PARP4: variants seen among roughly 807,000 people sequenced by gnomAD.
The protein encoded by PARP4 is poly(ADP-ribose) polymerase family member 4.
A neutral mutation model predicts 187.7 loss-of-function variants in PARP4; 120 were observed. The observed-to-expected ratio is 0.64, with a 90% CI of 0.55 to 0.74. PARP4 has a LOEUF of 0.74. Ranked by LOEUF, PARP4 falls within the 30% of genes least tolerant of loss-of-function variation. PARP4 has a pLI of 0.00. For missense variants in PARP4, 1,836 were observed against 2,070.5 expected (o/e 0.89, Z 2.20); for synonymous variants, 654 against 740.9 (o/e 0.88, Z 1.90).
At chr13:24,449,208 G>A (rs1371881624) in intron 25 of PARP4, among the ~76,000 whole-genome samples, 2 of 152,042 alleles carry the variant, frequency 1.3e-5, no homozygotes, top group East Asian at 3.9e-4. Flanking sequence ...CTAACACAGT[G>A]AAACCCCATC....
intron 33 of PARP4, among the ~76,000 whole-genome samples, chr13:24,425,072 C>T (rs547622258): frequency 2.2e-4 from 33 of 152,108 alleles, no homozygotes; most frequent in Admixed American, 7.2e-4. Flanking sequence ...GAGGCTGACG[C>T]GGGAGGATTG....
chr13:24,476,346 C>A (rs1872985712), intron 14 of PARP4, among the ~76,000 whole-genome samples: 1 of 152,172 alleles, frequency 6.6e-6, no homozygotes, highest in South Asian at 2.1e-4. Flanking sequence ...AACATACACA[C>A]AAATACACAG....
At chr13:24,494,794 CAG>C in intron 6 of PARP4, 72 bp from the exon 7 acceptor site, 1 of 1,040,620 alleles carries the variant, frequency 9.6e-7, no homozygotes, top group Non-Finnish European at 1.4e-6. Context: ...ATAAATAAAG[CAG>C]TAGGTCCTTG....
rs774471735 is a variant in PARP4, at chr13:24,453,587, C to T, written c.2826G>A (p.Met942Ile). ...GATACAGGAAGCCTCTTGCACTCAC[C>T]ATGATGAACTCTGCTGCCATGGTAT... is the stretch of plus-strand genomic sequence containing the variant. The part of the protein sequence containing the change: ...TSNTMAAEFI[M>I]SATPTMGNTD... The change falls in exon 23 of 34, where the codon ATG becomes ATA. Residue 942 changes from methionine (M) to isoleucine (I), a missense_variant and splice_region_variant. Physicochemically the swap from Met to Ile is conservative, Grantham distance 10. Coordinates refer to ENST00000381989, the MANE Select transcript of PARP4 (RefSeq NM_006437.4). 3 of 1,583,680 alleles carry T rather than the reference C, an allele frequency of 1.9e-6. No individual in the cohort carries two copies. Among genetic ancestry groups the T allele is most frequent in the South Asian group, 2.2e-5 (2 of 90,380 alleles).
rs754940217 is a variant in PARP4, at chr13:24,435,231, T to C, written c.3910A>G (p.Lys1304Glu). Reference protein sequence around the residue: ...KPTATEPLFKKVSPWETSTSS... With the variant: ...KPTATEPLFKEVSPWETSTSS... ...GTAGATGTTTCCCATGGACTGACTT[T>C]CTTAAATAGTGGTTCAGTTGCTGTT... The change falls in exon 31 of 34, where the codon AAA (lysine) becomes GAA (glutamate). Residue 1304 changes from lysine to glutamate, a missense_variant. Lys to Glu is a moderately conservative substitution (Grantham distance 56). Around this residue, in one of 8 missense-constraint regions of PARP4, gnomAD observed 450 missense variants for 439.2 expected, o/e 1.02. Transcript: ENST00000381989. 8.1e-6 allele frequency: 13 copies of C among 1,614,114 alleles called. No individual in the cohort carries two copies. The South Asian group carries it at 9.9e-5, about 12-fold the overall frequency.
chr13:24,431,286 C>T (rs1870319254), intron 32 of PARP4, 91 bp downstream of exon 32: 1 of 707,464 alleles, frequency 1.4e-6, no homozygotes, highest in South Asian at 1.9e-5. Context: ...TACATTAATA[C>T]ACTAGCTTAC....
At chr13:24,456,641 G>A (rs1871870989) in intron 20 of PARP4, among the ~76,000 whole-genome samples, 163 bp from the exon 21 acceptor site, 1 of 152,190 alleles carries the variant, frequency 6.6e-6, no homozygotes, top group Admixed American at 6.5e-5. Flanking sequence ...TAGGCCGGGT[G>A]CAGTGGCTCA....
intron 30 of PARP4, among the ~76,000 whole-genome samples, chr13:24,436,061 CTCTTAGT>C (rs1019097743): frequency 3.3e-5 from 5 of 152,136 alleles, no homozygotes; most frequent in African/African-American, 9.7e-5. Flanking sequence ...AAGACCTTCT[CTCTTAGT>C]TCTTAGTTCT....
intron 3 of PARP4, among the ~76,000 whole-genome samples, chr13:24,501,201 G>T (rs1240716009): frequency 6.6e-6 from 1 of 152,090 alleles, no homozygotes; most frequent in Non-Finnish European, 1.5e-5. Flanking sequence ...CTTTCTTCTT[G>T]GCCAGTTTCC....
chr13:24,436,088 G>A (rs1310016034), intron 30 of PARP4, among the ~76,000 whole-genome samples: 9 of 152,012 alleles, frequency 5.9e-5, no homozygotes, highest in South Asian at 2.1e-4. Context: ...TTAGAATTGC[G>A]GAATTTTAAA....
At chr13:24,431,259 A>T in intron 32 of PARP4, 118 bp downstream of exon 32, 1 of 613,196 alleles carries the variant, frequency 1.6e-6, no homozygotes, top group Non-Finnish European at 2.8e-6. Flanking sequence ...CCATTCGAAT[A>T]TAACTTTCAT....
intron 18 of PARP4, 169 bp from the exon 19 acceptor site, chr13:24,459,479 A>T (rs1872072419): frequency 1.8e-6 from 1 of 570,798 alleles, no homozygotes; most frequent in Non-Finnish European, 3.0e-6. Flanking sequence ...AACTTCTAAA[A>T]TACAACTCAC....
chr13:24,469,902 C>A lies in PARP4; in HGVS notation c.2038G>T (p.Val680Phe). The change falls in exon 16 of 34, where the codon GTT (valine) becomes TTT (phenylalanine). Residue 680 changes from valine (V) to phenylalanine (F), a missense_variant. Around this residue, in one of 8 missense-constraint regions of PARP4, gnomAD observed 1,147 missense variants for 1,214.2 expected, o/e 0.94. Transcript: ENST00000381989. ...FEAFINGKHI[V>F]GEIKEKEEAQ... is the part of the protein sequence containing the mutation. ...GCATCTTCTTGCCTTACCTCTCCAACTATGTGCTTCCCATTGATGAAGGCT... is the reference window on the plus strand; with the variant it reads ...GCATCTTCTTGCCTTACCTCTCCAAATATGTGCTTCCCATTGATGAAGGCT... 2 of 1,613,438 alleles carry A rather than the reference C, an allele frequency of 1.2e-6. No individual in the cohort carries two copies. Among genetic ancestry groups the A allele is most frequent in the Non-Finnish European group, 1.7e-6 (2 of 1,179,596 alleles).
chr13:24,489,311 T>C (rs1177732061), intron 10 of PARP4, among the ~76,000 whole-genome samples: 1 of 152,128 alleles, frequency 6.6e-6, no homozygotes, highest in Non-Finnish European at 1.5e-5. Flanking sequence ...TAATTTTCCA[T>C]TAAAAAGAAA....
At chr13:24,496,997 T>C (rs1421035124) in intron 6 of PARP4, among the ~76,000 whole-genome samples, 1 of 151,630 alleles carries the variant, frequency 6.6e-6, no homozygotes, top group Non-Finnish European at 1.5e-5. Context: ...CACTCCAGCA[T>C]GGGCAACAGA....
At chr13:24,435,601 T>C in intron 30 of PARP4, 127 bp from the exon 31 acceptor site, 1 of 972,140 alleles carries the variant, frequency 1.0e-6, no homozygotes, top group Non-Finnish European at 1.5e-6. Flanking sequence ...ATCAGGATCA[T>C]CAATGTGAGC....
At chr13:24,507,633 G>T (rs866233486) in intron 1 of PARP4, among the ~76,000 whole-genome samples, 1 of 152,162 alleles carries the variant, frequency 6.6e-6, no homozygotes, top group Non-Finnish European at 1.5e-5. Flanking sequence ...CCATGCCCTC[G>T]CATCCTGACT....
At chr13:24,442,888 A>T (rs1382493854) in intron 28 of PARP4, among the ~76,000 whole-genome samples, 1 of 151,878 alleles carries the variant, frequency 6.6e-6, no homozygotes, top group East Asian at 1.9e-4. Flanking sequence ...CCTCTAGTTC[A>T]GAGAGCTCTC....
At chr13:24,457,456 C>T (rs1333134324) in intron 20 of PARP4, among the ~76,000 whole-genome samples, 1 of 152,126 alleles carries the variant, frequency 6.6e-6, no homozygotes, top group Non-Finnish European at 1.5e-5. Flanking sequence ...TGCAACGGGC[C>T]TGGCACTCTC....
Sources: allele counts gnomAD v4.1 joint callset (sites outside exome capture counted in the v4.1 genomes callset), GRCh38; gene constraint gnomAD v4.1.1; regional missense constraint gnomAD v4.1.1; transcripts MANE v1.5; gene names NCBI Gene and HGNC (gene_info 2026-07-23, HGNC 2026-07-21).